Variants in EPHA5 observed in about 807,000 individuals in gnomAD.
The protein encoded by EPHA5 is EPH receptor A5, also known as ephrin type-A receptor 5.
Under a neutral mutation model 105.0 loss-of-function variants are expected in EPHA5, and 60 were observed. The ratio of observed to expected loss-of-function variants is 0.57; its 90% confidence interval spans 0.46 to 0.71. The LOEUF is 0.71. EPHA5 is among the 30% of genes least tolerant of loss of function. The pLI is 0.00. For missense variants in EPHA5, 1,218 were observed against 1,274.7 expected (o/e 0.96, Z 0.68); for synonymous variants, 513 against 449.1 (o/e 1.14, Z -1.80).
chr4:65,608,567 T>C (rs1206614806), intron 2 of EPHA5, among the ~76,000 whole-genome samples: 1 of 151,804 alleles, frequency 6.6e-6, no homozygotes, highest in Non-Finnish European at 1.5e-5. Context: ...ACACTAAAAT[T>C]TGAAATTCAG....
intron 6 of EPHA5, among the ~76,000 whole-genome samples, chr4:65,415,181 C>T (rs1180939499): frequency 6.6e-6 from 1 of 152,094 alleles, no homozygotes; most frequent in Non-Finnish European, 1.5e-5. Flanking sequence ...TCCTTATTAT[C>T]TCTGTGAAGT....
intron 6 of EPHA5, 65 bp downstream of exon 6, chr4:65,420,376 T>C: frequency 6.9e-7 from 1 of 1,452,244 alleles, no homozygotes; most frequent in Non-Finnish European, 9.3e-7. Flanking sequence ...GCAAGTTGGA[T>C]AATTGTAGTT....
In EPHA5 at chr4:65,410,403, G is replaced by A. The variant is rs976439014; in HGVS notation, c.1687+3881C>T. Among the ~76,000 whole-genome samples, 11 of 152,232 alleles carry A rather than the reference G, an allele frequency of 7.2e-5. No individual in the cohort carries two copies. The South Asian group carries it at 1.0e-3, about 14-fold the overall frequency. On this transcript the variant is annotated intron_variant, in intron 7 of 16. Coordinates refer to ENST00000613740, the MANE Select transcript of EPHA5 (RefSeq NM_001281766.3). The stretch of plus-strand genomic sequence containing the variant: ...AAACAGCAGATGAATGGTTTCCAGG[G>A]CTTAGTGATAACACATTTGTTCTTA...
chr4:65,331,777 A>G (rs984737101), intron 16 of EPHA5, 196 bp downstream of exon 16: 16 of 1,243,774 alleles, frequency 1.3e-5, no homozygotes, highest in Admixed American at 4.1e-5. Context: ...TTTGAAGCAA[A>G]GAAGCAAAGA....
At chr4:65,659,231 A>G (rs1423385511) in intron 1 of EPHA5, among the ~76,000 whole-genome samples, 1 of 146,050 alleles carries the variant, frequency 6.8e-6, no homozygotes, top group African/African-American at 2.5e-5. Context: ...CAATTTATTA[A>G]TAGGATTTTG....
chr4:65,503,733 A>G (rs891144252), intron 3 of EPHA5, among the ~76,000 whole-genome samples: 1 of 151,784 alleles, frequency 6.6e-6, no homozygotes, highest in Non-Finnish European at 1.5e-5. Flanking sequence ...ATACAAATAT[A>G]ATTAAGACAT....
At chr4:65,383,453 C>A (rs2148935560) in intron 8 of EPHA5, among the ~76,000 whole-genome samples, 1 of 151,842 alleles carries the variant, frequency 6.6e-6, no homozygotes, top group South Asian at 2.1e-4. Context: ...CCACTGCTAC[C>A]ACCATTATCA....
At position 65,473,043 on chromosome 4, in the gene EPHA5, T is replaced by C. The variant is rs928100720; in HGVS notation, c.1402+17334A>G. On this transcript the variant is annotated intron_variant, in intron 5 of 16. Transcript: ENST00000613740. Reference sequence around the variant, plus strand: ...TCAAGTTCAAAGTTCCACAGATATCTAGGGCAGAGGCAAAATGCCACCAAT... The same window carrying C: ...TCAAGTTCAAAGTTCCACAGATATCCAGGGCAGAGGCAAAATGCCACCAAT... 2.6e-5 allele frequency among the ~76,000 whole-genome samples: 4 copies of C among 152,312 alleles called. No individual in the cohort carries two copies. In the South Asian group the frequency reaches 6.2e-4, roughly 24 times the overall value.
At chr4:65,550,010 A>G (rs1277816416) in intron 3 of EPHA5, among the ~76,000 whole-genome samples, 3 of 152,130 alleles carry the variant, frequency 2.0e-5, no homozygotes, top group Non-Finnish European at 4.4e-5. Flanking sequence ...CTACAAATTA[A>G]TATTCTTTTG....
chr4:65,367,889 C>T (rs1577933907), intron 8 of EPHA5, among the ~76,000 whole-genome samples: 1 of 151,938 alleles, frequency 6.6e-6, no homozygotes, highest in South Asian at 2.1e-4. Flanking sequence ...TCCTCAGTTG[C>T]TCCACTGGCT....
At chr4:65,413,577 T>C (rs1263540983) in intron 7 of EPHA5, among the ~76,000 whole-genome samples, 1 of 151,724 alleles carries the variant, frequency 6.6e-6, no homozygotes, top group East Asian at 1.9e-4. Flanking sequence ...TTAAAGCAAA[T>C]ACACACACAC....
chr4:65,667,618 C>T (rs1248697716), intron 1 of EPHA5, among the ~76,000 whole-genome samples: 1 of 152,170 alleles, frequency 6.6e-6, no homozygotes, highest in Non-Finnish European at 1.5e-5. Context: ...CTGCCTTCAA[C>T]ACCTTAGGAG....
intron 3 of EPHA5, among the ~76,000 whole-genome samples, chr4:65,531,016 TTTTTTTTA>T (rs1394163824): frequency 2.1e-4 from 26 of 123,074 alleles, no homozygotes; most frequent in African/African-American, 7.3e-4. Context: ...ATTTTTTTTA[TTTTTTTTA>T]TTTTTTTTAT....
chr4:65,357,105 G>T (rs1723372166), intron 11 of EPHA5, among the ~76,000 whole-genome samples: 1 of 151,384 alleles, frequency 6.6e-6, no homozygotes, highest in Non-Finnish European at 1.5e-5. Flanking sequence ...TACATTATTT[G>T]AGAAATTTAC....
rs80201198 is a variant in EPHA5, at chr4:65,389,601, G to A, written c.1793+14773C>T. On this transcript the variant is annotated intron_variant, in intron 8 of 16. Transcript: ENST00000613740. ...GATAATAGATTATTTGGTCTTTAATGTTGGCAGGATCTGTGCATTATCTAT... is the reference window on the plus strand; with the variant it reads ...GATAATAGATTATTTGGTCTTTAATATTGGCAGGATCTGTGCATTATCTAT... 1.8e-3 allele frequency among the ~76,000 whole-genome samples: 274 copies of A among 152,126 alleles called. 2 individuals are homozygous for A. Among genetic ancestry groups the A allele is most frequent in the African/African-American group, 6.2e-3 (259 of 41,530 alleles).
Position 65,670,242 on chromosome 4 carries a change from A to G in EPHA5, c.-500T>C. The G allele has an allele frequency of 4.3e-6, 1 of 234,626 alleles. No homozygotes were observed. Among genetic ancestry groups the G allele is most frequent in the East Asian group, 6.0e-5 (1 of 16,584 alleles). The allele number at this position is 234,626 out of a possible 1,614,324, so 14.5% of individuals were successfully genotyped here. On this transcript the variant is annotated 5_prime_UTR_variant, in exon 1 of 17. Coordinates refer to ENST00000613740, the MANE Select transcript of EPHA5 (RefSeq NM_001281766.3). ...AGAAAGAGGACTTGAGAAAATGTGG[A>G]GAATGAAAAACAGGAGAGCAGCGAG...
intron 5 of EPHA5, among the ~76,000 whole-genome samples, chr4:65,468,673 T>A (rs1302566384): frequency 9.8e-5 from 1 of 10,204 alleles, no homozygotes; most frequent in Non-Finnish European, 3.0e-4. Flanking sequence ...ATATATAACA[T>A]ATATACATAT....
intron 3 of EPHA5, among the ~76,000 whole-genome samples, chr4:65,540,022 C>A (rs113184107): frequency 2.1e-4 from 32 of 151,442 alleles, no homozygotes; most frequent in African/African-American, 7.0e-4. Context: ...AGTTATGTAC[C>A]ATGATTCTTC....
intron 16 of EPHA5, among the ~76,000 whole-genome samples, chr4:65,324,796 C>A (rs1169398788): frequency 1.5e-5 from 2 of 132,532 alleles, no homozygotes; most frequent in Admixed American, 1.6e-4. Flanking sequence ...TTTTTTTAAT[C>A]AAATAACATC....
Sources: allele counts gnomAD v4.1 joint callset (sites outside exome capture counted in the v4.1 genomes callset), GRCh38; gene constraint gnomAD v4.1.1; transcripts MANE v1.5; gene names NCBI Gene and HGNC (gene_info 2026-07-23, HGNC 2026-07-21).